Variants in SKAP1 observed in about 807,000 individuals in gnomAD.
The protein encoded by SKAP1 is src kinase-associated phosphoprotein 1.
SKAP1 carries 44 observed loss-of-function variants against 58.5 expected under a neutral mutation model. That is an observed-to-expected ratio of 0.75 (90% CI 0.59 to 0.97). The LOEUF (loss-of-function observed/expected upper bound fraction) is 0.97, where lower values mean the gene tolerates loss of function less well. Among genes scored for constraint, SKAP1 ranks in the 50% least tolerant of loss-of-function variants. SKAP1 has a pLI of 0.00. For missense variants in SKAP1, 390 were observed against 435.2 expected, an observed-to-expected ratio of 0.90 and a Z score of 0.92; for synonymous variants, 127 against 149.7, an observed-to-expected ratio of 0.85 and a Z score of 1.11.
chr17:48,324,821 C>T (rs1262711993), intron 4 of SKAP1, among the ~76,000 whole-genome samples: 2 of 152,088 alleles, frequency 1.3e-5, no homozygotes, highest in East Asian at 1.9e-4. Context: ...TGCCCAATTT[C>T]GACTATACCA....
chr17:48,356,153 C>A (rs1274004632), intron 3 of SKAP1, among the ~76,000 whole-genome samples: 1 of 151,740 alleles, frequency 6.6e-6, no homozygotes, highest in African/African-American at 2.4e-5. Flanking sequence ...ACTGGGGAGG[C>A]CAAAGTGAGA....
intron 4 of SKAP1, among the ~76,000 whole-genome samples, chr17:48,197,455 G>A (rs1003247657): frequency 1.3e-5 from 2 of 152,094 alleles, no homozygotes; most frequent in African/African-American, 2.4e-5. Context: ...TTGGGAGGCT[G>A]AGGCAGGCAG....
intron 1 of SKAP1, among the ~76,000 whole-genome samples, chr17:48,410,334 A>G (rs968752326): frequency 4.6e-5 from 7 of 152,194 alleles, no homozygotes; most frequent in African/African-American, 1.7e-4. Flanking sequence ...GGTTATATAT[A>G]GAAACATATA....
intron 4 of SKAP1, among the ~76,000 whole-genome samples, chr17:48,239,731 G>A (rs1251206379): frequency 6.6e-6 from 1 of 151,994 alleles, no homozygotes; most frequent in East Asian, 1.9e-4. Context: ...ACTCACTGGT[G>A]ACATTAACAC....
chr17:48,309,939 G>A (rs1030280793), intron 4 of SKAP1, among the ~76,000 whole-genome samples: 1 of 152,156 alleles, frequency 6.6e-6, no homozygotes, highest in Non-Finnish European at 1.5e-5. Flanking sequence ...AGGTGGAAAG[G>A]AATCTTTGGG....
chr17:48,411,190 A>G (rs895277868), intron 1 of SKAP1, among the ~76,000 whole-genome samples: 1 of 151,994 alleles, frequency 6.6e-6, no homozygotes, highest in African/African-American at 2.4e-5. Flanking sequence ...ACTTGAGGTC[A>G]GGAGTTTGAG....
In SKAP1 at chr17:48,162,736, T is replaced by G. The variant is rs2064086347; in HGVS notation, c.878-167A>C. 5.6e-6 allele frequency: 3 copies of G among 531,264 alleles called. No homozygotes were observed. In the South Asian group the frequency reaches 8.7e-5, roughly 15 times the overall value. 32.9% of individuals were successfully genotyped at this position (531,264 alleles called of 1,614,324 possible). A position where few individuals can be genotyped will look rare whatever the true frequency, so the allele number is the denominator to read the frequency against. ...CAAACACTCAGCATGAGCAAAGGAC[T>G]ATGGGAGAAGGAGATCATTAACTAA... On this transcript the variant is annotated intron_variant, in intron 10 of 12. Coordinates refer to ENST00000336915, the MANE Select transcript of SKAP1 (RefSeq NM_003726.4).
chr17:48,190,815 C>T (rs2064532410), intron 4 of SKAP1, among the ~76,000 whole-genome samples: 1 of 152,024 alleles, frequency 6.6e-6, no homozygotes, highest in African/African-American at 2.4e-5. Flanking sequence ...GAAACCTCAT[C>T]TCTACTAAAG....
intron 11 of SKAP1, among the ~76,000 whole-genome samples, chr17:48,141,524 C>T (rs1292953089): frequency 2.0e-5 from 3 of 152,022 alleles, no homozygotes; most frequent in Admixed American, 2.0e-4. Context: ...TTACAGGTGC[C>T]TGCCACCACA....
intron 4 of SKAP1, among the ~76,000 whole-genome samples, chr17:48,256,956 C>A (rs2065429913): frequency 6.6e-6 from 1 of 151,786 alleles, no homozygotes; most frequent in Admixed American, 6.6e-5. Context: ...CAAAATACCC[C>A]CTAAAGTCAA....
chr17:48,391,350 G>A (rs1364163197), intron 2 of SKAP1, among the ~76,000 whole-genome samples: 2 of 152,108 alleles, frequency 1.3e-5, no homozygotes, highest in Non-Finnish European at 2.9e-5. Context: ...AAAGGACAGA[G>A]ACTTGCCATA....
intron 4 of SKAP1, among the ~76,000 whole-genome samples, chr17:48,260,154 A>G (rs1432932716): frequency 6.6e-6 from 1 of 152,156 alleles, no homozygotes; most frequent in African/African-American, 2.4e-5. Context: ...GTGTTGGACA[A>G]TTGTTTCCCA....
intron 4 of SKAP1, among the ~76,000 whole-genome samples, chr17:48,266,928 C>T (rs1321233268): frequency 1.3e-5 from 2 of 152,122 alleles, no homozygotes; most frequent in African/African-American, 2.4e-5. Flanking sequence ...CAAATATACA[C>T]GAATTTTCTT....
At chr17:48,276,240 T>A (rs1319619199) in intron 4 of SKAP1, among the ~76,000 whole-genome samples, 1 of 152,248 alleles carries the variant, frequency 6.6e-6, no homozygotes, top group Admixed American at 6.5e-5. Flanking sequence ...TTTCTGCTAC[T>A]TTCTCTTTCT....
chr17:48,436,048 T>C, the SKAP1 span, among the ~76,000 whole-genome samples: 97 of 152,268 alleles, frequency 6.4e-4, no homozygotes, highest in African/African-American at 2.2e-3. Context: ...CAGTGTCCAT[T>C]TCATTTTTTT....
At chr17:48,209,833 G>T (rs2064850670) in intron 4 of SKAP1, among the ~76,000 whole-genome samples, 1 of 152,176 alleles carries the variant, frequency 6.6e-6, no homozygotes, top group South Asian at 2.1e-4. Context: ...TAGAATTGGT[G>T]CTGCTTAAAT....
At chr17:48,246,851 T>C (rs2065302650) in intron 4 of SKAP1, among the ~76,000 whole-genome samples, 5 of 152,210 alleles carry the variant, frequency 3.3e-5, no homozygotes, top group Admixed American at 3.3e-4. Context: ...TCCCACGTCA[T>C]CTCTCATGTG....
intron 11 of SKAP1, among the ~76,000 whole-genome samples, chr17:48,158,387 AT>A (rs2064014913): frequency 9.8e-6 from 1 of 101,898 alleles, no homozygotes. Flanking sequence ...TCTATTAAAA[AT>A]ACAAAAAGAA....
intron 2 of SKAP1, among the ~76,000 whole-genome samples, chr17:48,392,611 A>G (rs1198895468): frequency 6.6e-6 from 1 of 152,156 alleles, no homozygotes; most frequent in African/African-American, 2.4e-5. Flanking sequence ...CTGTAATCCT[A>G]GCACTTTGGG....
Sources: gnomAD v4.1 joint callset for allele counts (sites outside exome capture counted in the v4.1 genomes callset) on GRCh38, gnomAD v4.1.1 for gene constraint, MANE v1.5 for transcripts, NCBI Gene and HGNC (gene_info 2026-07-23, HGNC 2026-07-21) for gene names.